The following USP36 variants were observed in gnomAD, a reference collection of about 807,000 sequenced individuals.
USP36 encodes the protein ubiquitin specific peptidase 36.
Under a neutral mutation model 111.5 loss-of-function variants are expected in USP36, and 59 were observed. The ratio of observed to expected loss-of-function variants is 0.53; its 90% CI spans 0.43 to 0.66. The LOEUF (loss-of-function observed/expected upper bound fraction) is 0.66. Ranked by LOEUF, USP36 falls within the 30% of genes least tolerant of loss-of-function variation. The pLI, the probability that USP36 is intolerant of heterozygous loss-of-function variation, is 0.00. For missense variants in USP36, 1,488 were observed against 1,468.0 expected, an observed-to-expected ratio of 1.01 and a Z score of -0.22; for synonymous variants, 628 against 581.0, an observed-to-expected ratio of 1.08 and a Z score of -1.16.
intron 13 of USP36, among the ~76,000 whole-genome samples, chr17:78,812,194 A>C (rs1246407610): frequency 6.6e-6 from 1 of 152,158 alleles, no homozygotes; most frequent in Non-Finnish European, 1.5e-5. Flanking sequence ...CTCCAAAAAA[A>C]AAAGTTTGCT....
Position 78,840,814 on chromosome 17 carries a change from T to A in USP36, c.-252A>T, listed in dbSNP as rs1043774857. Reference sequence around the variant, plus strand: ...GGCCCGCGGCCCAGCACGCGCACCATCCGGGCCTCCGGCGCCTCACACACG... The same window carrying A: ...GGCCCGCGGCCCAGCACGCGCACCAACCGGGCCTCCGGCGCCTCACACACG... On this transcript the variant is annotated 5_prime_UTR_variant, in exon 1 of 21. It removes an upstream start codon present in the reference 5' UTR. Transcript: ENST00000449938. 1.3e-5 allele frequency: 2 copies of A among 152,336 alleles called. No homozygotes were observed. Among genetic ancestry groups the A allele is most frequent in the African/African-American group, 4.8e-5 (2 of 41,534 alleles). The allele number at this position is 152,336 out of a possible 1,614,324, so 9.4% of individuals were successfully genotyped here. A position where few individuals can be genotyped will look rare whatever the true frequency, so the allele number is the denominator to read the frequency against.
At chr17:78,799,342 G>A (rs1224408861) in intron 18 of USP36, among the ~76,000 whole-genome samples, 5 of 152,194 alleles carry the variant, frequency 3.3e-5, no homozygotes, top group African/African-American at 1.2e-4. Flanking sequence ...CATGCTCTGA[G>A]CAAGAAGTGA....
chr17:78,800,863 C>G (rs1038113534), intron 17 of USP36, among the ~76,000 whole-genome samples: 4 of 152,218 alleles, frequency 2.6e-5, no homozygotes, highest in African/African-American at 9.6e-5. Context: ...GGCATGGACC[C>G]TGGCGCACCG....
At chr17:78,821,420 A>ATATATTTTTT (rs1192213715) in intron 7 of USP36, 1 of 34,560 alleles carries the variant, frequency 2.9e-5, no homozygotes, top group Non-Finnish European at 4.6e-5. Context: ...ATATATATAT[A>ATATATTTTTT]TTTTTTTTTT....
intron 12 of USP36, 55 bp downstream of exon 12, chr17:78,813,718 T>C (rs2094120558): frequency 4.0e-6 from 6 of 1,515,146 alleles, no homozygotes; most frequent in Non-Finnish European, 4.5e-6. Context: ...GGCCCACCGG[T>C]ATAAGAAAAG....
At chr17:78,814,937 G>A (rs2094145054) in intron 10 of USP36, among the ~76,000 whole-genome samples, 1 of 152,126 alleles carries the variant, frequency 6.6e-6, no homozygotes, top group East Asian at 1.9e-4. Flanking sequence ...GCGACAGAGC[G>A]AGACTGTCTC....
chr17:78,840,993 G>T (rs1379580902), upstream of USP36: 2 of 152,212 alleles, frequency 1.3e-5, no homozygotes, highest in Non-Finnish European at 2.9e-5. Flanking sequence ...TCCCCATCAC[G>T]GGACCCCGCC....
At chr17:78,821,420 A>ATTTTTTTTTT (rs1187233966) in intron 7 of USP36, 2 of 34,560 alleles carry the variant, frequency 5.8e-5, no homozygotes, top group African/African-American at 3.2e-4. Flanking sequence ...ATATATATAT[A>ATTTTTTTTTT]TTTTTTTTTT....
Position 78,813,776 on chromosome 17 carries a change from A to T in USP36, c.1262T>A (p.Leu421Gln). The T allele has an allele frequency of 6.2e-7, 1 of 1,613,964 alleles. No homozygotes were observed. Among genetic ancestry groups the T allele is most frequent in the Non-Finnish European group, 8.5e-7 (1 of 1,179,872 alleles). ...LNQQAYVLFYLRIPGSKKSPE... is the reference protein window; with the variant it reads ...LNQQAYVLFYQRIPGSKKSPE... Reference sequence around the variant, plus strand: ...GGGGAGGGCGTGAGTTTATTACCGCAGATAGAACAGCACGTAGGCCTGCTG... The same window carrying T: ...GGGGAGGGCGTGAGTTTATTACCGCTGATAGAACAGCACGTAGGCCTGCTG... Residue 421 changes from leucine to glutamine, a missense_variant, in exon 12 of 21, where the codon CTG becomes CAG. By Grantham distance (113) the Leu-to-Gln change is moderately radical (BLOSUM62 -2). Transcript: ENST00000449938.
At chr17:78,788,587 C>T (rs2093555280) in intron 3 of USP36, among the ~76,000 whole-genome samples, 1 of 152,146 alleles carries the variant, frequency 6.6e-6, no homozygotes, top group African/African-American at 2.4e-5. Flanking sequence ...AGAAGAAAGG[C>T]AGGACTGATG....
At chr17:78,840,519 G>A (rs984550761) in intron 1 of USP36, 1 of 152,298 alleles carries the variant, frequency 6.6e-6, no homozygotes, top group Non-Finnish European at 1.5e-5. Context: ...ACCCTCCTCG[G>A]GAATACCCGG....
At chr17:78,787,732 T>C (rs937465564) in intron 3 of USP36, 5 of 152,232 alleles carry the variant, frequency 3.3e-5, no homozygotes, top group African/African-American at 9.6e-5. Flanking sequence ...GGTTGAGTCA[T>C]GTCCCAACAA....
At position 78,828,886 on chromosome 17, in the gene USP36, T is replaced by C. The variant is rs2067823543; in HGVS notation, c.586+11A>G. ...TAAATCACAAAAATTTTAACATGGA[T>C]TGATGCTTACTTTTCAGGTCTCGGA... On this transcript the variant is annotated intron_variant, in intron 5 of 20. Transcript: ENST00000449938. 3 of 1,613,166 alleles carry C rather than the reference T, an allele frequency of 1.9e-6. No homozygotes were observed. Among genetic ancestry groups the C allele is most frequent in the South Asian group, 1.1e-5 (1 of 91,034 alleles).
chr17:78,828,804 A>C, intron 5 of USP36, 93 bp downstream of exon 5: 1 of 1,295,710 alleles, frequency 7.7e-7, no homozygotes, highest in South Asian at 1.3e-5. Context: ...CAGGAATTTA[A>C]GACCAGCCTG....
chr17:78,835,707 G>A (rs2145650502), intron 3 of USP36, among the ~76,000 whole-genome samples: 1 of 152,296 alleles, frequency 6.6e-6, no homozygotes, highest in Admixed American at 6.5e-5. Flanking sequence ...TAGGCTGCTT[G>A]GCTAAAGAAT....
intron 18 of USP36, 142 bp downstream of exon 18, chr17:78,799,525 G>T: frequency 1.3e-6 from 1 of 742,058 alleles, no homozygotes; most frequent in Non-Finnish European, 2.2e-6. Flanking sequence ...TCCAGCCAGT[G>T]TTGAGATTCC....
At chr17:78,806,849 T>C in intron 14 of USP36, 110 bp downstream of exon 14, 3 of 1,420,874 alleles carry the variant, frequency 2.1e-6, no homozygotes, top group Non-Finnish European at 2.9e-6. Flanking sequence ...TCCTCTAACA[T>C]GAGGGAGGCC....
In USP36 at chr17:78,813,113, C is replaced by T. The variant is rs912917680; in HGVS notation, c.1266-112G>A. 3 of 1,371,580 alleles carry T rather than the reference C, an allele frequency of 2.2e-6. No homozygotes were observed. In the East Asian group the frequency reaches 7.0e-5, roughly 32 times the overall value. 85.0% of individuals were successfully genotyped at this position (1,371,580 alleles called of 1,614,324 possible). ...GGCAGAAACACGGCCTGGGGAAACC[C>T]TGCCAGTCCTAACCACTTCTCTGGA... On this transcript the variant is annotated intron_variant, in intron 12 of 20. Transcript: ENST00000449938.
At chr17:78,792,706 C>T (rs7226033), downstream of USP36, among the ~76,000 whole-genome samples, 5,607 of 151,618 alleles carry the variant, frequency 0.037, 359 homozygotes, top group African/African-American at 0.13. Flanking sequence ...ATGATCCCCC[C>T]GGGAAGGTTT....
Sources: allele counts gnomAD v4.1 joint callset (sites outside exome capture counted in the v4.1 genomes callset), GRCh38; gene constraint gnomAD v4.1.1; transcripts MANE v1.5; gene names NCBI Gene and HGNC (gene_info 2026-07-23, HGNC 2026-07-21).